Variants in FBRSL1 observed in about 807,000 individuals in gnomAD.
FBRSL1 encodes fibrosin-1-like protein.
In FBRSL1, 51 loss-of-function variants were observed where a neutral mutation model predicts 89.6. That is an observed-to-expected ratio of 0.57 (90% CI 0.45 to 0.72). The LOEUF (loss-of-function observed/expected upper bound fraction) is 0.72. Ranked by LOEUF, FBRSL1 falls within the 30% of genes least tolerant of loss-of-function variation. The pLI, the probability that FBRSL1 is intolerant of heterozygous loss-of-function variation, is 0.00. For missense variants in FBRSL1, 1,618 were observed against 1,451.8 expected (o/e 1.11, Z -1.86); for synonymous variants, 779 against 681.1 (o/e 1.14, Z -2.24).
At chr12:132,509,853 C>T (rs961828689) in intron 2 of FBRSL1, 37 of 1,231,986 alleles carry the variant, frequency 3.0e-5, no homozygotes, top group Non-Finnish European at 3.7e-5. Flanking sequence ...ACTCCTCACC[C>T]TCCGACCACG....
chr12:132,540,329 G>A (rs1390302598), intron 4 of FBRSL1, among the ~76,000 whole-genome samples: 116 of 40,476 alleles, frequency 2.9e-3, no homozygotes, highest in African/African-American at 0.012. Context: ...ACCCAGTCCT[G>A]CCCCCAGCCC....
chr12:132,536,115 G>T (rs1466712775), intron 4 of FBRSL1, among the ~76,000 whole-genome samples: 1 of 148,420 alleles, frequency 6.7e-6, no homozygotes, highest in Non-Finnish European at 1.5e-5. Flanking sequence ...ATGTGTACAT[G>T]ACAGTGTGCC....
At chr12:132,564,830 C>T (rs963068323) in intron 5 of FBRSL1, among the ~76,000 whole-genome samples, 19 of 150,658 alleles carry the variant, frequency 1.3e-4, no homozygotes, top group Middle Eastern at 3.4e-3. Flanking sequence ...GGGGTTTCAC[C>T]GTGTTGGCCA....
intron 2 of FBRSL1, among the ~76,000 whole-genome samples, chr12:132,515,004 C>T (rs1029019576): frequency 3.3e-5 from 5 of 152,134 alleles, no homozygotes; most frequent in Non-Finnish European, 5.9e-5. Context: ...GCAGCTTCTG[C>T]GCCCAATAAC....
intron 4 of FBRSL1, among the ~76,000 whole-genome samples, chr12:132,530,897 T>C (rs2036210317): frequency 6.7e-6 from 1 of 149,222 alleles, no homozygotes; most frequent in South Asian, 2.1e-4. Flanking sequence ...TGCATACAGA[T>C]GGGCCCTGCC....
rs148020195 is a variant in FBRSL1 at position 132,546,121 on chromosome 12, A to G, written c.616-1882A>G. Among the ~76,000 whole-genome samples, 1,457 of 152,304 alleles carry G rather than the reference A, an allele frequency of 9.6e-3. 11 individuals carry two copies. Among genetic ancestry groups the G allele is most frequent in the Middle Eastern group, 0.014 (4 of 294 alleles). On this transcript the variant is annotated intron_variant, in intron 4 of 18. Coordinates refer to ENST00000680143, the MANE Select transcript of FBRSL1 (RefSeq NM_001367871.1). The surrounding 1 kb of genome is among the most constrained non-coding windows in gnomAD (Gnocchi z 4.0). ...TCCTCCCCTCCCCTGCGCTCCCCGCAGGAGCTTGTGGCTTTCCCCTGCCCC... is the reference window on the plus strand; with the variant it reads ...TCCTCCCCTCCCCTGCGCTCCCCGCGGGAGCTTGTGGCTTTCCCCTGCCCC...
intron 4 of FBRSL1, among the ~76,000 whole-genome samples, chr12:132,533,597 C>T (rs1019218977): frequency 2.0e-5 from 3 of 152,262 alleles, no homozygotes; most frequent in Admixed American, 6.5e-5. Flanking sequence ...GGGCACAGCC[C>T]GCACCCATCT....
At chr12:132,542,226 C>T (rs77940041) in intron 4 of FBRSL1, among the ~76,000 whole-genome samples, 1,785 of 152,302 alleles carry the variant, frequency 0.012, 45 homozygotes, top group East Asian at 0.12. Context: ...CTCGTATCCC[C>T]GGGCACCTGG....
chr12:132,527,576 G>A (rs1241051228), intron 3 of FBRSL1, among the ~76,000 whole-genome samples: 3 of 151,768 alleles, frequency 2.0e-5, no homozygotes, highest in Non-Finnish European at 4.4e-5. Context: ...CCCCATCCGA[G>A]TTGAGGGCTG....
At chr12:132,535,579 G>A (rs935169674) in intron 4 of FBRSL1, among the ~76,000 whole-genome samples, 1 of 152,256 alleles carries the variant, frequency 6.6e-6, no homozygotes. Flanking sequence ...TGAGGAACAG[G>A]AGCAGATGCA....
At chr12:132,559,109 C>T (rs1232834828) in intron 5 of FBRSL1, among the ~76,000 whole-genome samples, 1 of 152,272 alleles carries the variant, frequency 6.6e-6, no homozygotes, top group African/African-American at 2.4e-5. Context: ...CGTGGCTGGG[C>T]CTCGATCCGA....
chr12:132,500,102 G>A (rs1367620001), intron 1 of FBRSL1, among the ~76,000 whole-genome samples: 3 of 152,298 alleles, frequency 2.0e-5, no homozygotes, highest in Admixed American at 6.5e-5. Context: ...CTCAGGAGGC[G>A]CCGGCACTGC....
At chr12:132,579,547 T>C (rs1023724232) in intron 15 of FBRSL1, among the ~76,000 whole-genome samples, 11 of 152,210 alleles carry the variant, frequency 7.2e-5, no homozygotes, top group Non-Finnish European at 1.6e-4. Flanking sequence ...TGCAAAGACA[T>C]TTGTCTGTCA....
rs1263791338 is a variant in FBRSL1 at position 132,508,202 on chromosome 12, G to A, written c.341G>A (p.Arg114His). Residue 114 changes from arginine to histidine, a missense_variant, in exon 2 of 19, where the codon CGT becomes CAT. Transcript: ENST00000680143. ...PHERKEKWERRLIKKPRESET... is the reference protein window; with the variant it reads ...PHERKEKWERHLIKKPRESET... ...GAGCGGAAGGAGAAGTGGGAGCGTC[G>A]TCTCATCAAGAAGCCCCGGGAGTCG... 35 of 1,551,088 alleles carry A rather than the reference G, an allele frequency of 2.3e-5. No homozygotes were observed. The highest frequency in any genetic ancestry group is 4.9e-5 in the East Asian group (2 of 40,914).
rs1566212350 is a variant in FBRSL1, at chr12:132,564,696, CGTGTT to C, written c.646-2784_646-2780del. On this transcript the variant is annotated intron_variant, in intron 5 of 18. Transcript: ENST00000680143. ...ATTTTTAGTAGAGACGGGGTTTCAC[CGTGTT>C]AGCCAGGATGGTCTCGATCTCCTGA... Among the ~76,000 whole-genome samples the C allele has an allele frequency of 7.9e-4, 73 of 92,058 alleles. 16 individuals carry two copies. The highest frequency in any genetic ancestry group is 1.5e-3 in the Admixed American group (12 of 8,212). 60.4% of individuals were successfully genotyped at this position (92,058 alleles called of 152,430 possible). A position where few individuals can be genotyped will look rare whatever the true frequency, so the allele number is the denominator to read the frequency against.
At chr12:132,530,131 G>C (rs896452044) in intron 4 of FBRSL1, among the ~76,000 whole-genome samples, 5 of 151,856 alleles carry the variant, frequency 3.3e-5, no homozygotes, top group Non-Finnish European at 5.9e-5. Context: ...ATCGTCATGA[G>C]TATGATGACG....
chr12:132,497,225 G>GGTGACCAGT (rs1423968160), intron 1 of FBRSL1, among the ~76,000 whole-genome samples: 4 of 152,182 alleles, frequency 2.6e-5, no homozygotes, highest in Non-Finnish European at 5.9e-5. Flanking sequence ...CCCATTTACT[G>GGTGACCAGT]GTGACCAGTT....
intron 1 of FBRSL1, among the ~76,000 whole-genome samples, chr12:132,504,789 G>C (rs1046897272): frequency 3.9e-5 from 6 of 152,200 alleles, no homozygotes; most frequent in African/African-American, 1.4e-4. Context: ...CGACACTGGG[G>C]TGGTCACTGC....
intron 4 of FBRSL1, among the ~76,000 whole-genome samples, chr12:132,543,476 G>A (rs534062849): frequency 6.6e-6 from 1 of 152,306 alleles, no homozygotes; most frequent in African/African-American, 2.4e-5. Context: ...GGGAGGTGTT[G>A]GGAACCCACA....
Sources: gnomAD v4.1 joint callset for allele counts (sites outside exome capture counted in the v4.1 genomes callset) on GRCh38, gnomAD v4.1.1 for gene constraint, Gnocchi (gnomAD v3.1) non-coding constraint, MANE v1.5 for transcripts, NCBI Gene and HGNC (gene_info 2026-07-23, HGNC 2026-07-21) for gene names.